Variants in NRXN2 observed in about 807,000 individuals in gnomAD.
The protein encoded by NRXN2 is neurexin 2, also known as neurexin-2-beta.
In NRXN2, 29 loss-of-function variants were observed where a neutral mutation model predicts 128.8. That is an observed-to-expected ratio of 0.23 (90% confidence interval 0.17 to 0.31). NRXN2 has a LOEUF of 0.31. Among genes scored for constraint, NRXN2 ranks in the 10% least tolerant of loss-of-function variants. The pLI is 1.00. For missense variants in NRXN2, 1,881 were observed against 2,452.6 expected (o/e 0.77, Z 4.92); for synonymous variants, 1,098 against 1,075.2 (o/e 1.02, Z -0.41).
intron 6 of NRXN2, among the ~76,000 whole-genome samples, chr11:64,677,868 T>A (rs2051574155): frequency 6.6e-6 from 1 of 152,164 alleles, no homozygotes; most frequent in Non-Finnish European, 1.5e-5. Flanking sequence ...GCCGGGTTAA[T>A]GGATTAACCA....
intron 3 of NRXN2, among the ~76,000 whole-genome samples, chr11:64,694,482 T>G (rs78095940): frequency 1.3e-5 from 2 of 152,334 alleles, no homozygotes; most frequent in East Asian, 3.9e-4. Context: ...GGCAGATGGT[T>G]CACATTGCCC....
At chr11:64,687,320 G>A (rs562378585) in intron 5 of NRXN2, among the ~76,000 whole-genome samples, 5 of 152,150 alleles carry the variant, frequency 3.3e-5, no homozygotes, top group Non-Finnish European at 5.9e-5. Flanking sequence ...TGGCGGGGGG[G>A]GAGTTTCGGA....
rs1469913780 is a variant in NRXN2, at chr11:64,635,556, G to A, written c.3404-104C>T. 3.1e-6 allele frequency: 4 copies of A among 1,277,726 alleles called. No individual in the cohort carries two copies. The highest frequency in any genetic ancestry group is 1.9e-5 in the Admixed American group (1 of 51,290). The allele number at this position is 1,277,726 out of a possible 1,614,324, so 79.1% of individuals were successfully genotyped here. ...GAGGGATGGAACCCCAGGTCTAGAT[G>A]TGGGACTTCAGCTGTGATACCCACA... On this transcript the variant is annotated intron_variant, in intron 17 of 22. Coordinates refer to ENST00000265459, the MANE Select transcript of NRXN2 (RefSeq NM_015080.4). The surrounding 1 kb of genome is among the most constrained non-coding windows in gnomAD (Gnocchi z 4.8).
intron 19 of NRXN2, among the ~76,000 whole-genome samples, chr11:64,629,019 G>T (rs2043481578): frequency 6.6e-6 from 1 of 152,160 alleles, no homozygotes; most frequent in Non-Finnish European, 1.5e-5. Flanking sequence ...TTTATCTCCA[G>T]GGACTTTCCA....
intron 6 of NRXN2, among the ~76,000 whole-genome samples, chr11:64,681,267 C>A (rs1411914453): frequency 6.6e-6 from 1 of 151,718 alleles, no homozygotes; most frequent in East Asian, 1.9e-4. Flanking sequence ...GGAAAGAGAC[C>A]AAATGGATCA....
chr11:64,688,836 G>A, intron 5 of NRXN2: 3 of 985,134 alleles, frequency 3.0e-6, no homozygotes, highest in Non-Finnish European at 3.6e-6. Flanking sequence ...CCAGCTCCCA[G>A]ACCTCCTCTG....
chr11:64,648,600 TG>T lies in NRXN2; in HGVS notation c.3283+133del. 1.6e-6 allele frequency: 2 copies of T among 1,260,662 alleles called. No homozygotes were observed. Among genetic ancestry groups the T allele is most frequent in the African/African-American group, 1.5e-5 (1 of 67,712 alleles). The allele number at this position is 1,260,662 out of a possible 1,614,324, so 78.1% of individuals were successfully genotyped here. ...CACCTGTATCCCTGCCCCAGAACTG[TG>T]GGGGCAAGCTCCCATAAGGCCTGAG... is the stretch of plus-strand genomic sequence containing the variant. On this transcript the variant is annotated intron_variant, in intron 16 of 22. Coordinates refer to ENST00000265459, the MANE Select transcript of NRXN2 (RefSeq NM_015080.4). The surrounding 1 kb of genome is among the most constrained non-coding windows in gnomAD (Gnocchi z 4.1).
chr11:64,721,759 G>A (rs758480305), intron 1 of NRXN2, among the ~76,000 whole-genome samples: 1 of 152,056 alleles, frequency 6.6e-6, no homozygotes, highest in African/African-American at 2.4e-5. Context: ...GGAAGGATAA[G>A]AATGAATGGA....
At chr11:64,692,812 T>G (rs763673511) in intron 4 of NRXN2, 35 bp downstream of exon 4, 2 of 1,612,152 alleles carry the variant, frequency 1.2e-6, no homozygotes, top group South Asian at 2.2e-5. Context: ...TTGGGGGCAA[T>G]CCAATCCAAA....
intron 6 of NRXN2, among the ~76,000 whole-genome samples, chr11:64,681,794 AG>A (rs1239911509): frequency 8.3e-6 from 1 of 120,222 alleles, no homozygotes; most frequent in Non-Finnish European, 1.7e-5. Context: ...GTGAAAACAA[AG>A]GGAAAAACTA....
At position 64,713,512 on chromosome 11, in the gene NRXN2, C is replaced by A; in HGVS notation, c.188G>T (p.Arg63Leu). Residue 63 changes from arginine (R) to leucine (L), a missense_variant, in exon 2 of 23, where the codon CGC (arginine) becomes CTC (leucine). Transcript: ENST00000265459. ...GTCGTCCAGGTAGAGCAGCAGCGCG[C>A]GCGTGGCGTTGGTGCGCAGGCTGAA... Reference protein sequence around the residue: ...LSFSLRTNATRALLLYLDDGG... With the variant: ...LSFSLRTNATLALLLYLDDGG... 1 of 1,515,588 alleles carries A rather than the reference C, an allele frequency of 6.6e-7. No individual in the cohort carries two copies. Among genetic ancestry groups the A allele is most frequent in the African/African-American group, 1.4e-5 (1 of 70,164 alleles). 93.9% of individuals were successfully genotyped at this position (1,515,588 alleles called of 1,614,324 possible).
chr11:64,642,511 G>C, intron 17 of NRXN2: 1 of 1,598,934 alleles, frequency 6.3e-7, no homozygotes, highest in Non-Finnish European at 8.5e-7. Flanking sequence ...GGGCCAACCG[G>C]GTGGCCGGCA....
At chr11:64,634,665 A>G (rs2044425373) in intron 18 of NRXN2, among the ~76,000 whole-genome samples, 1 of 151,878 alleles carries the variant, frequency 6.6e-6, no homozygotes, top group Non-Finnish European at 1.5e-5. Flanking sequence ...CTGGGCCAAG[A>G]GGTCAGTGAG....
intron 11 of NRXN2, among the ~76,000 whole-genome samples, chr11:64,653,951 C>A (rs555254750): frequency 2.9e-4 from 44 of 152,248 alleles, no homozygotes; most frequent in Non-Finnish European, 1.5e-5. Context: ...GAAGGCAGGG[C>A]AGTCAGATGA....
intron 9 of NRXN2, among the ~76,000 whole-genome samples, chr11:64,664,883 G>A (rs1324733866): frequency 6.6e-6 from 1 of 152,084 alleles, no homozygotes; most frequent in Non-Finnish European, 1.5e-5. Flanking sequence ...CCAGCTACTC[G>A]GGAGGCTGAG....
At chr11:64,626,747 AC>A (rs2043116508) in intron 19 of NRXN2, among the ~76,000 whole-genome samples, 195 bp from the exon 20 acceptor site, 2 of 152,074 alleles carry the variant, frequency 1.3e-5, no homozygotes, top group African/African-American at 4.8e-5. Flanking sequence ...AGCCAGCCCC[AC>A]CCTGGGGGCA....
rs1177183166 is a variant in NRXN2, at chr11:64,635,205, T to C, written c.3585+66A>G. ...ACTTGAGGTGCTGATCCCATGGCAA[T>C]GAGGGGCTGAACTGATTTGGGAGCA... On this transcript the variant is annotated intron_variant, in intron 18 of 22. Transcript: ENST00000265459. This position sits in a 1 kb window ranked among gnomAD's most constrained non-coding sequence, Gnocchi z 4.8. The C allele has an allele frequency of 2.5e-6, 4 of 1,574,688 alleles. No homozygotes were observed. The Admixed American group carries it at 5.0e-5, about 20-fold the overall frequency.
chr11:64,637,804 A>G (rs2044984255), intron 17 of NRXN2, among the ~76,000 whole-genome samples: 1 of 151,840 alleles, frequency 6.6e-6, no homozygotes, highest in Non-Finnish European at 1.5e-5. Flanking sequence ...CTTTCTCTTC[A>G]CTTCCCACCC....
rs200024020 is a variant in NRXN2 at position 64,651,517 on chromosome 11, C to T, written c.2656G>A (p.Val886Met). 1.8e-4 allele frequency: 292 copies of T among 1,614,164 alleles called. 7 individuals carry two copies. The highest frequency in any genetic ancestry group is 1.4e-3 in the East Asian group (64 of 44,886). Residue 886 changes from valine (V) to methionine (M), a missense_variant, in exon 14 of 23, where the codon GTG becomes ATG. This residue lies in a region of NRXN2 where 390 missense variants were observed against 599.6 expected (regional missense o/e 0.65). Transcript: ENST00000265459. The surrounding 1 kb of genome is among the most constrained non-coding windows in gnomAD (Gnocchi z 5.9). ...SNFIGHLSGL[V>M]FNGQPYMDQC... is the part of the protein sequence containing the mutation. ...TCCATGTAGGGCTGGCCATTGAACA[C>T]GAGCCCACTCAGATGCCCGATGAAG...
Sources: gnomAD v4.1 joint callset for allele counts (sites outside exome capture counted in the v4.1 genomes callset) on GRCh38, gnomAD v4.1.1 for gene constraint, gnomAD v4.1.1 regional missense constraint, Gnocchi (gnomAD v3.1) non-coding constraint, MANE v1.5 for transcripts, NCBI Gene and HGNC (gene_info 2026-07-23, HGNC 2026-07-21) for gene names.